MAPK10: variants seen among roughly 807,000 people sequenced by gnomAD.
MAPK10 encodes the protein JNK3 alpha protein kinase.
Under a neutral mutation model 59.3 loss-of-function variants are expected in MAPK10, and 25 were observed. That is an observed-to-expected ratio of 0.42 (90% CI 0.31 to 0.59). The LOEUF (loss-of-function observed/expected upper bound fraction) is 0.59, where lower values mean the gene tolerates loss of function less well. MAPK10 is among the 20% of genes least tolerant of loss of function. The pLI, the probability that MAPK10 is intolerant of heterozygous loss-of-function variation, is 0.15. For synonymous variants in MAPK10, 190 were observed against 200.5 expected (o/e 0.95, Z 0.44); for missense variants, 351 against 568.9 (o/e 0.62, Z 3.90).
Position 86,098,132 on chromosome 4 carries a change from A to T in MAPK10, c.802+392T>A, listed in dbSNP as rs143541061. On this transcript the variant is annotated intron_variant, in intron 9 of 13. Transcript: ENST00000641462. The stretch of plus-strand genomic sequence containing the variant: ...AGCAAGGAGAGCAATTATTATGCCT[A>T]AATATTGTAGAAGCACAAAATAGTT... Among the ~76,000 whole-genome samples the T allele has an allele frequency of 4.7e-3, 719 of 152,328 alleles. 6 individuals carry two copies. The highest frequency in any genetic ancestry group is 0.017 in the African/African-American group (687 of 41,582).
At chr4:86,389,193 G>C (rs758248244) in intron 1 of MAPK10, among the ~76,000 whole-genome samples, 1 of 151,980 alleles carries the variant, frequency 6.6e-6, no homozygotes, top group Non-Finnish European at 1.5e-5. Context: ...TCCTGCCCTG[G>C]TCATGTAAGA....
rs771185797 is a variant in MAPK10, at chr4:86,010,597, G to A, written c.*6631C>T. 2.2e-4 allele frequency: 34 copies of A among 152,216 alleles called. No individual in the cohort carries two copies. Among genetic ancestry groups the A allele is most frequent in the East Asian group, 5.8e-4 (3 of 5,184 alleles). The allele number at this position is 152,216 out of a possible 1,614,324, so 9.4% of individuals were successfully genotyped here. A position where few individuals can be genotyped will look rare whatever the true frequency, so the allele number is the denominator to read the frequency against. Reference sequence around the variant, plus strand: ...CTTGATTTACACCAAATCCAAGTTCGCAATGTATTAACATGAAGGAATAGG... The same window carrying A: ...CTTGATTTACACCAAATCCAAGTTCACAATGTATTAACATGAAGGAATAGG... On this transcript the variant is annotated 3_prime_UTR_variant, in exon 14 of 14. Transcript: ENST00000641462.
intron 2 of MAPK10, among the ~76,000 whole-genome samples, chr4:86,277,565 A>AT (rs1486696625): frequency 6.6e-6 from 1 of 152,148 alleles, no homozygotes; most frequent in Non-Finnish European, 1.5e-5. Flanking sequence ...AAGTATTGAG[A>AT]TAAAAACTAA....
At chr4:86,284,480 T>C (rs936748414) in intron 2 of MAPK10, among the ~76,000 whole-genome samples, 14 of 152,202 alleles carry the variant, frequency 9.2e-5, no homozygotes, top group Admixed American at 8.5e-4. Flanking sequence ...AGCTATCAGC[T>C]TCGATGTCAT....
At chr4:86,179,779 T>C (rs2076489663) in intron 3 of MAPK10, among the ~76,000 whole-genome samples, 1 of 152,030 alleles carries the variant, frequency 6.6e-6, no homozygotes, top group Admixed American at 6.6e-5. Flanking sequence ...TGATGCTAAA[T>C]GGTTATCCAT....
intron 4 of MAPK10, among the ~76,000 whole-genome samples, chr4:86,147,873 C>T (rs1169246043): frequency 6.6e-6 from 1 of 152,162 alleles, no homozygotes; most frequent in East Asian, 1.9e-4. Context: ...ACAACAGTAT[C>T]TAATTCCTAC....
chr4:86,103,679 T>C (rs1488922272), intron 5 of MAPK10, among the ~76,000 whole-genome samples: 1 of 152,094 alleles, frequency 6.6e-6, no homozygotes, highest in East Asian at 1.9e-4. Context: ...GATTTTTTTG[T>C]GTTGTTACTT....
chr4:86,023,722 G>C (rs1748589830), intron 13 of MAPK10, among the ~76,000 whole-genome samples: 1 of 145,108 alleles, frequency 6.9e-6, no homozygotes, highest in Admixed American at 7.0e-5. Flanking sequence ...TATGTTCATT[G>C]CTAATGTGTA....
rs56886437 is a variant in MAPK10, at chr4:86,575,998, CGTGT to C, written c.-263+17908_-263+17911del. Among the ~76,000 whole-genome samples, 594 of 147,310 alleles carry C rather than the reference CGTGT, an allele frequency of 4.0e-3. 2 individuals are homozygous for C. Among genetic ancestry groups the C allele is most frequent in the African/African-American group, 0.013 (514 of 40,092 alleles). On this transcript the variant is annotated intron_variant, in intron 1 of 4. Coordinates refer to the MAPK10 transcript ENST00000502302. ...CATAACATAATATTGTGTGTGTATGCGTGTGTGTGTGTGTGTGTGTGTGTATTAT... is the reference window on the plus strand; with the variant it reads ...CATAACATAATATTGTGTGTGTATGCGTGTGTGTGTGTGTGTGTGTATTAT...
At chr4:86,419,454 T>C (rs962757031) in intron 1 of MAPK10, among the ~76,000 whole-genome samples, 2 of 152,198 alleles carry the variant, frequency 1.3e-5, no homozygotes, top group African/African-American at 4.8e-5. Flanking sequence ...TTATGCAGCA[T>C]TATCTTACCT....
chr4:86,425,827 T>G (rs1244032948), intron 1 of MAPK10, among the ~76,000 whole-genome samples: 3 of 152,222 alleles, frequency 2.0e-5, no homozygotes, highest in South Asian at 4.1e-4. Context: ...AAAAATTAGC[T>G]GGGCATGGTG....
chr4:86,466,569 A>T (rs1752226940), intron 1 of MAPK10, among the ~76,000 whole-genome samples: 2 of 152,238 alleles, frequency 1.3e-5, no homozygotes, highest in Non-Finnish European at 2.9e-5. Context: ...TAATTGATTA[A>T]CTAAAAAAAT....
At chr4:86,233,504 C>G (rs2091873602) in intron 2 of MAPK10, among the ~76,000 whole-genome samples, 1 of 152,162 alleles carries the variant, frequency 6.6e-6, no homozygotes, top group Admixed American at 6.5e-5. Context: ...CCCCAAGGAG[C>G]TTCCTTTGAA....
At chr4:86,179,335 A>C (rs1290268532) in intron 3 of MAPK10, among the ~76,000 whole-genome samples, 2 of 152,166 alleles carry the variant, frequency 1.3e-5, no homozygotes, top group Non-Finnish European at 2.9e-5. Context: ...GAAAACTATA[A>C]AACACCGATG....
At chr4:86,330,877 T>G (rs1227038899) in intron 2 of MAPK10, among the ~76,000 whole-genome samples, 1 of 152,214 alleles carries the variant, frequency 6.6e-6, no homozygotes, top group African/African-American at 2.4e-5. Context: ...CTTAAGTTAA[T>G]TAAAATATGT....
At chr4:86,403,451 G>C (rs1484826792) in intron 1 of MAPK10, among the ~76,000 whole-genome samples, 1 of 152,112 alleles carries the variant, frequency 6.6e-6, no homozygotes, top group Non-Finnish European at 1.5e-5. Flanking sequence ...GGGAGACAGA[G>C]GTTGCAGTGA....
chr4:86,205,323 C>A (rs1433621125), intron 2 of MAPK10, among the ~76,000 whole-genome samples: 1 of 151,892 alleles, frequency 6.6e-6, no homozygotes, highest in African/African-American at 2.4e-5. Context: ...TTAGCATTAC[C>A]TCAAAATGTG....
At chr4:86,133,741 G>C (rs962597645) in intron 4 of MAPK10, among the ~76,000 whole-genome samples, 1 of 152,196 alleles carries the variant, frequency 6.6e-6, no homozygotes, top group Non-Finnish European at 1.5e-5. Flanking sequence ...GGCTCCAACT[G>C]AGATTAAGTC....
intron 11 of MAPK10, among the ~76,000 whole-genome samples, chr4:86,057,208 G>T (rs570032303): frequency 6.7e-6 from 1 of 149,604 alleles, no homozygotes; most frequent in Non-Finnish European, 1.5e-5. Context: ...ATCCCAAAGT[G>T]CTGGGATTAC....
Sources: allele counts gnomAD v4.1 joint callset (sites outside exome capture counted in the v4.1 genomes callset), GRCh38; gene constraint gnomAD v4.1.1; transcripts MANE v1.5; gene names NCBI Gene and HGNC (gene_info 2026-07-23, HGNC 2026-07-21).